AGPAT4: variants seen among roughly 807,000 people sequenced by gnomAD.
AGPAT4 encodes 1-acyl-sn-glycerol-3-phosphate acyltransferase delta.
A neutral mutation model predicts 48.0 loss-of-function variants in AGPAT4; 15 were observed. The ratio of observed to expected loss-of-function variants is 0.31; its 90% CI spans 0.21 to 0.48. The LOEUF (loss-of-function observed/expected upper bound fraction) is 0.48, where lower values mean the gene tolerates loss of function less well. Among genes scored for constraint, AGPAT4 ranks in the 20% least tolerant of loss-of-function variants. AGPAT4 has a pLI of 0.99. For missense variants in AGPAT4, 314 were observed against 482.5 expected, an observed-to-expected ratio of 0.65 and a Z score of 3.27; for synonymous variants, 178 against 198.7, an observed-to-expected ratio of 0.90 and a Z score of 0.88.
In AGPAT4 at chr6:161,232,368, T is replaced by C. The variant is rs1782145493; in HGVS notation, c.-89-66A>G. The C allele has an allele frequency of 1.4e-6, 1 of 723,562 alleles. No homozygotes were observed. Among genetic ancestry groups the C allele is most frequent in the East Asian group, 2.7e-5 (1 of 36,522 alleles). The allele number at this position is 723,562 out of a possible 1,614,324, so 44.8% of individuals were successfully genotyped here. On this transcript the variant is annotated intron_variant, in intron 1 of 8. Transcript: ENST00000320285. This position sits in a 1 kb window ranked among gnomAD's most constrained non-coding sequence, Gnocchi z 6.8. ...TGTGCTTTTAGAGTCAGAAAAAAAG[T>C]GCTCTGAAAAGAAAAATATACACTT...
At chr6:161,151,848 A>C (rs1413958081) in intron 5 of AGPAT4, among the ~76,000 whole-genome samples, 1 of 152,092 alleles carries the variant, frequency 6.6e-6, no homozygotes, top group African/African-American at 2.4e-5. Context: ...GGGGACGAGC[A>C]ATGGGGGCAT....
Position 161,146,587 on chromosome 6 carries a change from C to G in AGPAT4, c.780G>C (p.Leu260=). Residue 260 remains leucine, a synonymous_variant, in exon 7 of 9, where the codon CTG becomes CTC. Transcript: ENST00000320285. This position sits in a 1 kb window ranked among gnomAD's most constrained non-coding sequence, Gnocchi z 7.1. ...CGTCATCGTCTTCAGGGATGTCTTCCAGTGGGATCCTCCTGCAAAGGCAGA... is the reference window on the plus strand; with the variant it reads ...CGTCATCGTCTTCAGGGATGTCTTCGAGTGGGATCCTCCTGCAAAGGCAGA... ...HADLYVRRIP[L]EDIPEDDDEC... 6.2e-7 allele frequency: 1 copy of G among 1,614,110 alleles called. No individual in the cohort carries two copies. The highest frequency in any genetic ancestry group is 8.5e-7 in the Non-Finnish European group (1 of 1,180,018).
chr6:161,192,331 A>T (rs1359680669), intron 2 of AGPAT4, among the ~76,000 whole-genome samples: 1 of 151,722 alleles, frequency 6.6e-6, no homozygotes, highest in Non-Finnish European at 1.5e-5. Context: ...TTGTATTTTT[A>T]GTAGAAACGG....
rs183894256 is a variant in AGPAT4 at position 161,134,535 on chromosome 6, C to T, written c.*2005G>A. On this transcript the variant is annotated 3_prime_UTR_variant, in exon 9 of 9. Coordinates refer to ENST00000320285, the MANE Select transcript of AGPAT4 (RefSeq NM_020133.3). ...TTAAAGTGTGCTCTTTTACCCTTGACACACCCCAAGAGGTAGATATCGTCA... is the reference window on the plus strand; with the variant it reads ...TTAAAGTGTGCTCTTTTACCCTTGATACACCCCAAGAGGTAGATATCGTCA... 1 of 152,274 alleles carries T rather than the reference C, an allele frequency of 6.6e-6. No homozygotes were observed. The highest frequency in any genetic ancestry group is 2.4e-5 in the African/African-American group (1 of 41,544). 9.4% of individuals were successfully genotyped at this position (152,274 alleles called of 1,614,324 possible). A position where few individuals can be genotyped will look rare whatever the true frequency, so the allele number is the denominator to read the frequency against.
intron 2 of AGPAT4, among the ~76,000 whole-genome samples, chr6:161,172,480 C>G (rs1043965357): frequency 1.3e-5 from 2 of 152,136 alleles, no homozygotes; most frequent in African/African-American, 2.4e-5. Context: ...GAGCCAGGGG[C>G]ACCAAAGAAG....
rs143568421 is a variant in AGPAT4, at chr6:161,170,464, T to TGC, written c.179-4049_179-4048dup. Among the ~76,000 whole-genome samples the TGC allele has an allele frequency of 9.5e-3, 1,304 of 137,680 alleles. 13 individuals are homozygous for TGC. Among genetic ancestry groups the TGC allele is most frequent in the Middle Eastern group, 0.042 (11 of 260 alleles). The allele number at this position is 137,680 out of a possible 152,430, so 90.3% of individuals were successfully genotyped here. A position where few individuals can be genotyped will look rare whatever the true frequency, so the allele number is the denominator to read the frequency against. On this transcript the variant is annotated intron_variant, in intron 2 of 8. Coordinates refer to ENST00000320285, the MANE Select transcript of AGPAT4 (RefSeq NM_020133.3). The stretch of plus-strand genomic sequence containing the variant: ...ATTTATACACATGCGCGTGCACACG[T>TGC]GCGCGCGCGCACACACACACACACA...
rs1779020537 is a variant in AGPAT4, at chr6:161,135,019, T to G, written c.*1521A>C. On this transcript the variant is annotated 3_prime_UTR_variant, in exon 9 of 9. Transcript: ENST00000320285. The stretch of plus-strand genomic sequence containing the variant: ...TTTGTATCAACAAACAAACAATGCA[T>G]TATTGTCCTGTAAGCAGAGGGAGCT... The G allele has an allele frequency of 6.6e-6, 1 of 152,272 alleles. No homozygotes were observed. Among genetic ancestry groups the G allele is most frequent in the Non-Finnish European group, 1.5e-5 (1 of 68,044 alleles). The allele number at this position is 152,272 out of a possible 1,614,324, so 9.4% of individuals were successfully genotyped here.
At chr6:161,228,676 A>AAAAAAAAAAAAAAAAAAAAAC (rs1782048099) in intron 2 of AGPAT4, among the ~76,000 whole-genome samples, 2 of 150,588 alleles carry the variant, frequency 1.3e-5, no homozygotes, top group Non-Finnish European at 1.5e-5. Context: ...AAAAAAAAAA[A>AAAAAAAAAAAAAAAAAAAAAC]AGCCAGTCTT....
rs916679732 is a variant in AGPAT4, at chr6:161,255,752, C to T, written c.-90+18186G>A. On this transcript the variant is annotated intron_variant, in intron 1 of 8. Coordinates refer to ENST00000320285, the MANE Select transcript of AGPAT4 (RefSeq NM_020133.3). This position sits in a 1 kb window ranked among gnomAD's most constrained non-coding sequence, Gnocchi z 4.7. ...ATGGGGGAGTGACTGCTGATATGTACGGTTTCTCTCTGAGGTGCTAAAAAT... is the reference window on the plus strand; with the variant it reads ...ATGGGGGAGTGACTGCTGATATGTATGGTTTCTCTCTGAGGTGCTAAAAAT... Among the ~76,000 whole-genome samples, 1 of 151,994 alleles carries T rather than the reference C, an allele frequency of 6.6e-6. No individual in the cohort carries two copies. Among genetic ancestry groups the T allele is most frequent in the African/African-American group, 2.4e-5 (1 of 41,374 alleles).
chr6:161,229,599 A>T lies in AGPAT4; in HGVS notation c.178+2437T>A, dbSNP rs1299447673. 1.3e-5 allele frequency among the ~76,000 whole-genome samples: 2 copies of T among 152,124 alleles called. No individual in the cohort carries two copies. Among genetic ancestry groups the T allele is most frequent in the Non-Finnish European group, 1.5e-5 (1 of 68,008 alleles). On this transcript the variant is annotated intron_variant, in intron 2 of 8. Transcript: ENST00000320285. This position sits in a 1 kb window ranked among gnomAD's most constrained non-coding sequence, Gnocchi z 6.0. ...GCTAACACCTATGGGGATACCAGAA[A>T]CGGAGAATCCTGGCGAGGATTCTCT...
Position 161,214,899 on chromosome 6 carries a change from A to G in AGPAT4, c.178+17137T>C, listed in dbSNP as rs1781603705. On this transcript the variant is annotated intron_variant, in intron 2 of 8. Coordinates refer to ENST00000320285, the MANE Select transcript of AGPAT4 (RefSeq NM_020133.3). The surrounding 1 kb of genome is among the most constrained non-coding windows in gnomAD (Gnocchi z 5.4). ...AAAAGTCATTATGGGGCACGTGACT[A>G]TATTTCAAAACTATCTACGTTGACC... is the stretch of plus-strand genomic sequence containing the variant. Among the ~76,000 whole-genome samples, 4 of 152,228 alleles carry G rather than the reference A, an allele frequency of 2.6e-5. No homozygotes were observed. Among genetic ancestry groups the G allele is most frequent in the South Asian group, 2.1e-4 (1 of 4,830 alleles).
chr6:161,218,051 G>C lies in AGPAT4; in HGVS notation c.178+13985C>G, dbSNP rs1308711889. ...CGTATGCATTCACCGGGAATGCCCT[G>C]TGATGGCTGGTGTCTGTGTCTGATG... On this transcript the variant is annotated intron_variant, in intron 2 of 8. Transcript: ENST00000320285. The surrounding 1 kb of genome is among the most constrained non-coding windows in gnomAD (Gnocchi z 4.7). Among the ~76,000 whole-genome samples, 1 of 152,252 alleles carries C rather than the reference G, an allele frequency of 6.6e-6. No homozygotes were observed. The highest frequency in any genetic ancestry group is 2.4e-5 in the African/African-American group (1 of 41,464).
rs1781773386 is a variant in AGPAT4, at chr6:161,219,881, A to AGGCAGGCAGGCAGGCAGGC, written c.178+12136_178+12154dup. On this transcript the variant is annotated intron_variant, in intron 2 of 8. Coordinates refer to ENST00000320285, the MANE Select transcript of AGPAT4 (RefSeq NM_020133.3). This position sits in a 1 kb window ranked among gnomAD's most constrained non-coding sequence, Gnocchi z 4.9. The stretch of plus-strand genomic sequence containing the variant: ...TAGATAGATAGATAGATAGGCAGGC[A>AGGCAGGCAGGCAGGCAGGC]GGCAGGCAGGCAGGCAGGCAGGCAG... Among the ~76,000 whole-genome samples the AGGCAGGCAGGCAGGCAGGC allele has an allele frequency of 1.1e-5, 1 of 92,286 alleles. No homozygotes were observed. Among genetic ancestry groups the AGGCAGGCAGGCAGGCAGGC allele is most frequent in the African/African-American group, 4.2e-5 (1 of 23,962 alleles). 60.5% of individuals were successfully genotyped at this position (92,286 alleles called of 152,430 possible).
intron 2 of AGPAT4, among the ~76,000 whole-genome samples, chr6:161,187,333 C>T (rs80280712): frequency 0.046 from 7,012 of 152,092 alleles, 551 homozygotes; most frequent in African/African-American, 0.16. Context: ...TTGTTCATTT[C>T]GTTGTTGTTG....
At chr6:161,173,546 C>T (rs1235385558) in intron 2 of AGPAT4, among the ~76,000 whole-genome samples, 3 of 152,048 alleles carry the variant, frequency 2.0e-5, no homozygotes, top group Admixed American at 6.5e-5. Context: ...GGATATTAGC[C>T]CTTTGTCAGA....
chr6:161,258,717 G>A (rs1296316023), intron 1 of AGPAT4, among the ~76,000 whole-genome samples: 1 of 151,988 alleles, frequency 6.6e-6, no homozygotes, highest in East Asian at 1.9e-4. Context: ...ACTCAAGCTA[G>A]GTTGTAGCAA....
rs777924189 is a variant in AGPAT4 at position 161,214,458 on chromosome 6, G to A, written c.178+17578C>T. 6.6e-6 allele frequency among the ~76,000 whole-genome samples: 1 copy of A among 152,198 alleles called. No individual in the cohort carries two copies. Among genetic ancestry groups the A allele is most frequent in the Non-Finnish European group, 1.5e-5 (1 of 68,038 alleles). On this transcript the variant is annotated intron_variant, in intron 2 of 8. Coordinates refer to ENST00000320285, the MANE Select transcript of AGPAT4 (RefSeq NM_020133.3). The surrounding 1 kb of genome is among the most constrained non-coding windows in gnomAD (Gnocchi z 5.4). ...TACTGTAGGTCACTGTAACACAATG[G>A]TAACTATTTGTGTATCTAAACATAG...
At chr6:161,170,816 G>A (rs534893967) in intron 2 of AGPAT4, among the ~76,000 whole-genome samples, 92 of 152,266 alleles carry the variant, frequency 6.0e-4, no homozygotes, top group African/African-American at 2.1e-3. Context: ...TCAAATGCCA[G>A]GGCTTTCTAA....
At position 161,226,661 on chromosome 6, in the gene AGPAT4, C is replaced by T. The variant is rs759819182; in HGVS notation, c.178+5375G>A. ...CCAGGCAGGGCTGGAGAGCTAGGTTCACTTTGTATAAAATTTTAACACATA... is the reference window on the plus strand; with the variant it reads ...CCAGGCAGGGCTGGAGAGCTAGGTTTACTTTGTATAAAATTTTAACACATA... On this transcript the variant is annotated intron_variant, in intron 2 of 8. Coordinates refer to ENST00000320285, the MANE Select transcript of AGPAT4 (RefSeq NM_020133.3). The surrounding 1 kb of genome is among the most constrained non-coding windows in gnomAD (Gnocchi z 6.3). Among the ~76,000 whole-genome samples the T allele has an allele frequency of 6.6e-6, 1 of 152,204 alleles. No homozygotes were observed. Among genetic ancestry groups the T allele is most frequent in the Non-Finnish European group, 1.5e-5 (1 of 68,036 alleles).
Sources: gnomAD v4.1 joint callset for allele counts (sites outside exome capture counted in the v4.1 genomes callset) on GRCh38, gnomAD v4.1.1 for gene constraint, Gnocchi (gnomAD v3.1) non-coding constraint, MANE v1.5 for transcripts, NCBI Gene and HGNC (gene_info 2026-07-23, HGNC 2026-07-21) for gene names.